THOC1: variants seen among roughly 807,000 people sequenced by gnomAD.
The protein encoded by THOC1 is THO complex 1.
In THOC1, 29 loss-of-function variants were observed where a neutral mutation model predicts 97.3. The ratio of observed to expected loss-of-function variants is 0.30; its 90% CI spans 0.22 to 0.41. THOC1 has a LOEUF of 0.41. THOC1 is among the 10% of genes least tolerant of loss of function. THOC1 has a pLI of 1.00. For synonymous variants in THOC1, 255 were observed against 257.0 expected, an observed-to-expected ratio of 0.99 and a Z score of 0.07; for missense variants, 529 against 761.9, an observed-to-expected ratio of 0.69 and a Z score of 3.60.
chr18:239,272 A>G (rs1296472938), intron 11 of THOC1, among the ~76,000 whole-genome samples: 2 of 152,208 alleles, frequency 1.3e-5, no homozygotes, highest in Non-Finnish European at 2.9e-5. Context: ...CAGAAAACAT[A>G]AAAAGTCCCT....
At position 257,104 on chromosome 18, in the gene THOC1, G is replaced by A. The variant is rs940001846; in HGVS notation, c.520+2076C>T. Among the ~76,000 whole-genome samples, 14 of 152,132 alleles carry A rather than the reference G, an allele frequency of 9.2e-5. No homozygotes were observed. In the South Asian group the frequency reaches 2.3e-3, roughly 25 times the overall value. On this transcript the variant is annotated intron_variant, in intron 7 of 20. Coordinates refer to ENST00000261600, the MANE Select transcript of THOC1 (RefSeq NM_005131.3). ...CATAGTGTAAACATAACTTTTATACGCACTGGGAAACCAAAAAATGTTGGT... is the reference window on the plus strand; with the variant it reads ...CATAGTGTAAACATAACTTTTATACACACTGGGAAACCAAAAAATGTTGGT...
chr18:241,281 T>G (rs977343481), intron 11 of THOC1, among the ~76,000 whole-genome samples: 7 of 152,242 alleles, frequency 4.6e-5, no homozygotes, highest in Non-Finnish European at 8.8e-5. Flanking sequence ...GAGACCCACC[T>G]TAGCCGTTAC....
rs746899172 is a variant in THOC1 at position 246,441 on chromosome 18, A to G, written c.801T>C (p.Val267=). 6.4e-7 allele frequency: 1 copy of G among 1,574,218 alleles called. No individual in the cohort carries two copies. The highest frequency in any genetic ancestry group is 8.7e-7 in the Non-Finnish European group (1 of 1,155,904). Residue 267 remains valine, a synonymous_variant, in exon 11 of 21, where the codon GTT becomes GTC. Transcript: ENST00000261600. ...ATTTATAACTCTTAAAAACAGCTAAAACTTCTTCAGAATACTGCAAAATAA... is the reference window on the plus strand; with the variant it reads ...ATTTATAACTCTTAAAAACAGCTAAGACTTCTTCAGAATACTGCAAAATAA... ...WKTFLKYSEE[V]LAVFKSYKLD... is the part of the protein sequence containing the mutation.
intron 16 of THOC1, among the ~76,000 whole-genome samples, 160 bp downstream of exon 16, chr18:223,923 AC>A (rs1293587975): frequency 6.6e-6 from 1 of 152,172 alleles, no homozygotes; most frequent in Non-Finnish European, 1.5e-5. Flanking sequence ...TGGTGCATGA[AC>A]CCACACAATG....
chr18:249,983 T>C (rs598215), intron 9 of THOC1, among the ~76,000 whole-genome samples: 1 of 152,220 alleles, frequency 6.6e-6, no homozygotes, highest in Non-Finnish European at 1.5e-5. Flanking sequence ...TGTCCCTTTT[T>C]GTCTCAATTG....
intron 18 of THOC1, among the ~76,000 whole-genome samples, chr18:218,059 T>G (rs1910954407): frequency 6.6e-6 from 1 of 152,154 alleles, no homozygotes; most frequent in Non-Finnish European, 1.5e-5. Flanking sequence ...CTAGAGAGAT[T>G]AGTTAAGAGG....
Position 260,197 on chromosome 18 carries a change from T to C in THOC1, c.364A>G (p.Thr122Ala). The change falls in exon 5 of 21, where the codon ACT becomes GCT. Residue 122 changes from threonine to alanine, a missense_variant. Thr to Ala is a moderately conservative substitution (Grantham distance 58). This residue lies in a region of THOC1 where 49 missense variants were observed against 91.7 expected (regional missense o/e 0.53). Transcript: ENST00000261600. ...ACTAAGGCACTTACTGATTTCCAAG[T>C]AGCAACATTTTTTTCCACAAAAGTG... Reference protein sequence around the residue: ...IFTFVEKNVATWKSNTFYSAG... With the variant: ...IFTFVEKNVAAWKSNTFYSAG... 1 of 1,554,976 alleles carries C rather than the reference T, an allele frequency of 6.4e-7. No homozygotes were observed. The highest frequency in any genetic ancestry group is 8.7e-7 in the Non-Finnish European group (1 of 1,153,030).
rs1313896935 is a variant in THOC1 at position 254,056 on chromosome 18, G to A, written c.603+217C>T. Among the ~76,000 whole-genome samples, 4 of 151,646 alleles carry A rather than the reference G, an allele frequency of 2.6e-5. No homozygotes were observed. Among genetic ancestry groups the A allele is most frequent in the Admixed American group, 6.6e-5 (1 of 15,228 alleles). On this transcript the variant is annotated intron_variant, in intron 8 of 20. Transcript: ENST00000261600. The surrounding 1 kb of genome is among the most constrained non-coding windows in gnomAD (Gnocchi z 4.1). ...CTCTCGAGTAGCTGGGACCACAGGC[G>A]TGCACCACCATGCCCTGCTAATTTT...
intron 7 of THOC1, among the ~76,000 whole-genome samples, chr18:255,022 T>C (rs1912393527): frequency 6.6e-6 from 1 of 152,166 alleles, no homozygotes; most frequent in Non-Finnish European, 1.5e-5. Context: ...TTTTGCCATG[T>C]TGCCTAAGCT....
At chr18:221,799 G>C (rs369925458) in intron 17 of THOC1, among the ~76,000 whole-genome samples, 3 of 151,824 alleles carry the variant, frequency 2.0e-5, no homozygotes, top group Non-Finnish European at 4.4e-5. Flanking sequence ...TAGTAGAGAC[G>C]GGGTTTCACC....
At chr18:237,569 C>G (rs1214744835) in intron 11 of THOC1, among the ~76,000 whole-genome samples, 1 of 151,840 alleles carries the variant, frequency 6.6e-6, no homozygotes, top group Non-Finnish European at 1.5e-5. Flanking sequence ...GCCTAAACAC[C>G]AAATGTTTTG....
At chr18:236,200 A>C (rs1911676291) in intron 11 of THOC1, among the ~76,000 whole-genome samples, 1 of 152,096 alleles carries the variant, frequency 6.6e-6, no homozygotes, top group African/African-American at 2.4e-5. Flanking sequence ...TCCCTTGTGG[A>C]TACAAACTGC....
At chr18:222,199 T>C (rs950241400) in intron 17 of THOC1, among the ~76,000 whole-genome samples, 1 of 152,222 alleles carries the variant, frequency 6.6e-6, no homozygotes, top group African/African-American at 2.4e-5. Context: ...ATGTCACTTT[T>C]ATCAAGTTTA....
At chr18:252,950 A>G (rs1430750586) in intron 8 of THOC1, among the ~76,000 whole-genome samples, 1 of 152,258 alleles carries the variant, frequency 6.6e-6, no homozygotes, top group Non-Finnish European at 1.5e-5. Flanking sequence ...AAAATGAGCA[A>G]ACAGCATGAA....
Position 260,315 on chromosome 18 carries a change from A to G in THOC1, c.257-11T>C. 1 of 1,479,074 alleles carries G rather than the reference A, an allele frequency of 6.8e-7. No individual in the cohort carries two copies. The highest frequency in any genetic ancestry group is 9.0e-7 in the Non-Finnish European group (1 of 1,111,422). The allele number at this position is 1,479,074 out of a possible 1,614,324, so 91.6% of individuals were successfully genotyped here. A position where few individuals can be genotyped will look rare whatever the true frequency, so the allele number is the denominator to read the frequency against. ...ATGCGGTACAAATACCTTCAAGTGGAGCACAAGCCAATTTAAAAGTTTAAA... is the reference window on the plus strand; with the variant it reads ...ATGCGGTACAAATACCTTCAAGTGGGGCACAAGCCAATTTAAAAGTTTAAA... On this transcript the variant is annotated splice_polypyrimidine_tract_variant and intron_variant, in intron 4 of 20. Transcript: ENST00000261600.
intron 17 of THOC1, among the ~76,000 whole-genome samples, chr18:222,054 C>T (rs565611304): frequency 6.6e-6 from 1 of 152,092 alleles, no homozygotes; most frequent in Non-Finnish European, 1.5e-5. Flanking sequence ...AATTTACTTG[C>T]TTAAATTTTC....
chr18:264,038 C>T lies in THOC1; in HGVS notation c.244G>A (p.Gly82Arg), dbSNP rs1270748074. ...GAACCATACTTACCTTCAGTTACTC[C>T]CCCAATAGCAAGAGAAATAATAGCT... ...VLAIISLAIG[G>R]VTEGICTAST... The change falls in exon 4 of 21, where the codon GGA becomes AGA. Residue 82 changes from glycine (G) to arginine (R), a missense_variant. Physicochemically the swap from Gly to Arg is moderately radical, Grantham distance 125. Coordinates refer to ENST00000261600, the MANE Select transcript of THOC1 (RefSeq NM_005131.3). The T allele has an allele frequency of 1.2e-6, 2 of 1,611,236 alleles. No homozygotes were observed. The highest frequency in any genetic ancestry group is 2.2e-5 in the East Asian group (1 of 44,790).
intron 4 of THOC1, among the ~76,000 whole-genome samples, chr18:262,848 T>C (rs570153286): frequency 1.4e-5 from 2 of 146,570 alleles, no homozygotes; most frequent in East Asian, 1.9e-4. Context: ...CATATATTAT[T>C]TGAATTAATC....
intron 20 of THOC1, among the ~76,000 whole-genome samples, chr18:215,172 A>G (rs564049917): frequency 5.9e-5 from 9 of 152,308 alleles, no homozygotes; most frequent in African/African-American, 2.2e-4. Flanking sequence ...ATAACCAATA[A>G]TTAACAGAGG....
Sources: gnomAD v4.1 joint callset for allele counts (sites outside exome capture counted in the v4.1 genomes callset) on GRCh38, gnomAD v4.1.1 for gene constraint, gnomAD v4.1.1 regional missense constraint, Gnocchi (gnomAD v3.1) non-coding constraint, MANE v1.5 for transcripts, NCBI Gene and HGNC (gene_info 2026-07-23, HGNC 2026-07-21) for gene names.